Variants in KCNIP4 observed in about 807,000 individuals in gnomAD.
The protein encoded by KCNIP4 is potassium voltage-gated channel interacting protein 4.
Under a neutral mutation model 34.0 loss-of-function variants are expected in KCNIP4, and 12 were observed. The observed-to-expected ratio is 0.35, with a 90% CI of 0.23 to 0.57. The LOEUF (loss-of-function observed/expected upper bound fraction) is 0.57. KCNIP4 is among the 20% of genes least tolerant of loss of function. The pLI is 0.83. For synonymous variants in KCNIP4, 124 were observed against 102.2 expected (o/e 1.21, Z -1.29); for missense variants, 238 against 311.7 (o/e 0.76, Z 1.78).
At chr4:20,999,544 C>T (rs959163993) in intron 1 of KCNIP4, among the ~76,000 whole-genome samples, 1 of 149,348 alleles carries the variant, frequency 6.7e-6, no homozygotes, top group East Asian at 2.0e-4. Context: ...ACCGTGGTTG[C>T]TGTGTGGACA....
At chr4:21,468,900 G>A (rs1428203813) in intron 1 of KCNIP4, among the ~76,000 whole-genome samples, 1 of 151,996 alleles carries the variant, frequency 6.6e-6, no homozygotes, top group African/African-American at 2.4e-5. Context: ...GTCTCACATT[G>A]CTCAACATCA....
At chr4:21,773,653 C>G (rs1455345082) in intron 1 of KCNIP4, among the ~76,000 whole-genome samples, 12 of 151,668 alleles carry the variant, frequency 7.9e-5, no homozygotes, top group Non-Finnish European at 1.8e-4. Context: ...TAAATTGTTC[C>G]CTTTATTGTT....
chr4:21,103,691 T>G (rs58809781), intron 1 of KCNIP4, among the ~76,000 whole-genome samples: 40,517 of 145,514 alleles, frequency 0.28, 6,421 homozygotes, highest in African/African-American at 0.42. Flanking sequence ...CAATTAACTC[T>G]TCATTTAGCA....
chr4:20,803,700 A>T (rs1714664107), intron 3 of KCNIP4, among the ~76,000 whole-genome samples: 1 of 95,564 alleles, frequency 1.0e-5, no homozygotes, highest in Non-Finnish European at 2.0e-5. Flanking sequence ...AGAGAGAGAG[A>T]GAAAGAGAGA....
chr4:21,643,459 A>G (rs1161099312), intron 1 of KCNIP4, among the ~76,000 whole-genome samples: 1 of 152,186 alleles, frequency 6.6e-6, no homozygotes, highest in Non-Finnish European at 1.5e-5. Context: ...TAAGATGTAT[A>G]TGAGTGCCAG....
intron 1 of KCNIP4, among the ~76,000 whole-genome samples, chr4:21,317,769 C>T (rs568015695): frequency 6.6e-6 from 1 of 152,212 alleles, no homozygotes; most frequent in Admixed American, 6.5e-5. Flanking sequence ...ATCACAGGAG[C>T]AGGTCTTTCC....
At chr4:21,411,191 G>A (rs969156964) in intron 1 of KCNIP4, among the ~76,000 whole-genome samples, 2 of 152,184 alleles carry the variant, frequency 1.3e-5, no homozygotes, top group Non-Finnish European at 2.9e-5. Context: ...CAGATGTCTT[G>A]AGGCTGGAAA....
rs141458299 is a variant in KCNIP4, at chr4:21,856,808, C to T, written c.61+91763G>A. The stretch of plus-strand genomic sequence containing the variant: ...CCTTTCCCCACTCCAAGCGCCCACT[C>T]CAATCTCAGAGCAAAGTGGAGGCTG... On this transcript the variant is annotated intron_variant, in intron 1 of 8. Coordinates refer to ENST00000382152, the MANE Select transcript of KCNIP4 (RefSeq NM_025221.6). Among the ~76,000 whole-genome samples, 1,006 of 152,312 alleles carry T rather than the reference C, an allele frequency of 6.6e-3. 11 individuals are homozygous for T. Among genetic ancestry groups the T allele is most frequent in the African/African-American group, 0.022 (897 of 41,580 alleles).
chr4:20,997,069 G>A (rs961634745), intron 1 of KCNIP4, among the ~76,000 whole-genome samples: 1 of 51,808 alleles, frequency 1.9e-5, no homozygotes, highest in Non-Finnish European at 4.0e-5. Flanking sequence ...AGACTAGGAT[G>A]GGGGGAAAAC....
intron 1 of KCNIP4, among the ~76,000 whole-genome samples, chr4:21,814,709 A>G (rs927700921): frequency 2.0e-5 from 3 of 152,096 alleles, no homozygotes; most frequent in African/African-American, 7.2e-5. Context: ...AGACTCGTAC[A>G]CCTCTAAGGA....
intron 1 of KCNIP4, among the ~76,000 whole-genome samples, chr4:21,395,566 G>A (rs1390603487): frequency 6.6e-6 from 1 of 151,842 alleles, no homozygotes; most frequent in Non-Finnish European, 1.5e-5. Flanking sequence ...TATTTTGTCA[G>A]TTTAGTTCAC....
At chr4:20,924,832 A>C (rs965526107) in intron 1 of KCNIP4, among the ~76,000 whole-genome samples, 3 of 152,180 alleles carry the variant, frequency 2.0e-5, no homozygotes. Context: ...AGTGGAAAAA[A>C]TGTTTTCTAG....
At chr4:21,624,764 T>C (rs1745216668) in intron 1 of KCNIP4, among the ~76,000 whole-genome samples, 3 of 152,070 alleles carry the variant, frequency 2.0e-5, no homozygotes, top group Admixed American at 2.0e-4. Context: ...AACAATAAAG[T>C]CAAAGACTCT....
At chr4:21,247,604 G>T (rs1760316112) in intron 1 of KCNIP4, among the ~76,000 whole-genome samples, 1 of 110,826 alleles carries the variant, frequency 9.0e-6, no homozygotes, top group African/African-American at 4.2e-5. Flanking sequence ...CACCACAGAT[G>T]GTATATATAT....
chr4:21,206,306 C>A (rs1036001930), intron 1 of KCNIP4, among the ~76,000 whole-genome samples: 8 of 152,150 alleles, frequency 5.3e-5, no homozygotes, highest in Non-Finnish European at 1.2e-4. Flanking sequence ...TTTCTGGATA[C>A]TGCAGTAGCT....
At chr4:21,749,559 C>G (rs1717009571) in intron 1 of KCNIP4, among the ~76,000 whole-genome samples, 1 of 152,128 alleles carries the variant, frequency 6.6e-6, no homozygotes. Context: ...CTAGGAATTT[C>G]TCTCTAACCC....
At chr4:21,369,600 A>C (rs893692714) in intron 1 of KCNIP4, among the ~76,000 whole-genome samples, 1 of 146,524 alleles carries the variant, frequency 6.8e-6, no homozygotes. Flanking sequence ...CTGTCTCTAA[A>C]AATTTTTTTA....
intron 1 of KCNIP4, among the ~76,000 whole-genome samples, chr4:21,569,819 T>A (rs1740224135): frequency 1.3e-5 from 2 of 151,812 alleles, no homozygotes. Context: ...AATGAACGAA[T>A]CTGAAAGGAG....
chr4:21,834,426 T>A (rs1177545155), intron 1 of KCNIP4, among the ~76,000 whole-genome samples: 1 of 152,182 alleles, frequency 6.6e-6, no homozygotes, highest in Non-Finnish European at 1.5e-5. Context: ...TGCTTGTGAT[T>A]TTTGTACACT....
Sources: allele counts gnomAD v4.1 joint callset (sites outside exome capture counted in the v4.1 genomes callset), GRCh38; gene constraint gnomAD v4.1.1; transcripts MANE v1.5; gene names NCBI Gene and HGNC (gene_info 2026-07-23, HGNC 2026-07-21).